Variants in INPP4B observed in about 807,000 individuals in gnomAD.
INPP4B encodes the protein inositol polyphosphate 4-phosphatase type II.
Under a neutral mutation model 122.5 loss-of-function variants are expected in INPP4B, and 55 were observed. That is an observed-to-expected ratio of 0.45 (90% confidence interval 0.36 to 0.56). INPP4B has a LOEUF of 0.56. INPP4B is among the 20% of genes least tolerant of loss of function. The pLI is 0.00. For missense variants in INPP4B, 1,000 were observed against 1,097.7 expected, an observed-to-expected ratio of 0.91 and a Z score of 1.26; for synonymous variants, 403 against 388.7, an observed-to-expected ratio of 1.04 and a Z score of -0.43.
intron 2 of INPP4B, among the ~76,000 whole-genome samples, chr4:142,669,014 C>G (rs1443221276): frequency 6.6e-6 from 1 of 151,898 alleles, no homozygotes; most frequent in African/African-American, 2.4e-5. Context: ...GGAGATTGCG[C>G]CACTGTGCTC....
At chr4:142,549,634 T>C (rs1004619205) in intron 2 of INPP4B, among the ~76,000 whole-genome samples, 2 of 152,188 alleles carry the variant, frequency 1.3e-5, no homozygotes, top group Admixed American at 6.6e-5. Context: ...GGGCAGAGAC[T>C]GTGTGCCTTT....
chr4:142,476,217 A>G (rs1471137987), intron 2 of INPP4B, among the ~76,000 whole-genome samples: 1 of 152,174 alleles, frequency 6.6e-6, no homozygotes, highest in Admixed American at 6.5e-5. Flanking sequence ...CCAACCAATA[A>G]TTTCATATTT....
intron 22 of INPP4B, among the ~76,000 whole-genome samples, 176 bp downstream of exon 22, chr4:142,112,366 A>G (rs1467642687): frequency 1.3e-5 from 2 of 152,210 alleles, no homozygotes; most frequent in Non-Finnish European, 2.9e-5. Flanking sequence ...GGCTTGGGCC[A>G]GGATTCCTTA....
At chr4:142,196,983 G>A (rs1413164863) in intron 14 of INPP4B, among the ~76,000 whole-genome samples, 7 of 151,618 alleles carry the variant, frequency 4.6e-5, no homozygotes, top group Non-Finnish European at 5.9e-5. Context: ...AAAATTAGCC[G>A]GGGGTGGTGG....
chr4:142,567,822 C>G (rs1355153170), intron 2 of INPP4B, among the ~76,000 whole-genome samples: 1 of 152,084 alleles, frequency 6.6e-6, no homozygotes, highest in Non-Finnish European at 1.5e-5. Context: ...TCTTTATTTA[C>G]TTACGCTCCT....
chr4:142,336,308 G>T (rs192077410), intron 7 of INPP4B, among the ~76,000 whole-genome samples: 339 of 152,296 alleles, frequency 2.2e-3, no homozygotes, highest in Non-Finnish European at 3.5e-3. Flanking sequence ...GAGGGGTAGT[G>T]GGGGAGAAAA....
chr4:142,064,261 C>A (rs545849027), intron 25 of INPP4B, among the ~76,000 whole-genome samples: 1 of 152,132 alleles, frequency 6.6e-6, no homozygotes, highest in Non-Finnish European at 1.5e-5. Flanking sequence ...GATACATTAG[C>A]AGCTTTTAAG....
intron 2 of INPP4B, among the ~76,000 whole-genome samples, chr4:142,659,244 A>T (rs1335190203): frequency 8.9e-5 from 1 of 11,280 alleles, no homozygotes; most frequent in East Asian, 9.8e-3. Flanking sequence ...CTAAAAATAC[A>T]AAAAAAAAAA....
intron 1 of INPP4B, among the ~76,000 whole-genome samples, chr4:142,730,943 G>T (rs1482780893): frequency 6.9e-6 from 1 of 144,664 alleles, no homozygotes; most frequent in Non-Finnish European, 1.5e-5. Context: ...CATAGCAGTT[G>T]TTGCCGCACC....
At chr4:142,436,401 G>A (rs1234452566) in intron 3 of INPP4B, among the ~76,000 whole-genome samples, 1 of 152,158 alleles carries the variant, frequency 6.6e-6, no homozygotes, top group Non-Finnish European at 1.5e-5. Flanking sequence ...TCCACCACGG[G>A]ACAGCGAAAG....
At chr4:142,451,849 T>C (rs1052084511) in intron 3 of INPP4B, among the ~76,000 whole-genome samples, 4 of 152,200 alleles carry the variant, frequency 2.6e-5, no homozygotes, top group African/African-American at 9.6e-5. Context: ...AGTTCTGTTA[T>C]TCACTCGTTT....
At chr4:142,125,375 A>G (rs2152762756) in intron 18 of INPP4B, among the ~76,000 whole-genome samples, 1 of 152,118 alleles carries the variant, frequency 6.6e-6, no homozygotes, top group East Asian at 1.9e-4. Context: ...AAAAAACACT[A>G]AAGCATTCAT....
intron 25 of INPP4B, among the ~76,000 whole-genome samples, chr4:142,055,647 A>T (rs200277581): frequency 6.6e-6 from 1 of 151,708 alleles, no homozygotes; most frequent in African/African-American, 2.4e-5. Flanking sequence ...AGTGTTTTAA[A>T]AGCATTTGTT....
At position 142,537,392 on chromosome 4, in the gene INPP4B, T is replaced by C. The variant is rs1828327428; in HGVS notation, c.-190-74666A>G. On this transcript the variant is annotated intron_variant, in intron 2 of 25. Coordinates refer to ENST00000262992, the MANE Select transcript of INPP4B (RefSeq NM_001101669.3). ...ACCAGTTATCAGAGACCAGAGATTT[T>C]ACATACAGTATATATATATATATAT... is the stretch of plus-strand genomic sequence containing the variant. 4.1e-5 allele frequency among the ~76,000 whole-genome samples: 4 copies of C among 98,628 alleles called. No homozygotes were observed. The South Asian group carries it at 1.4e-3, about 34-fold the overall frequency. The allele number at this position is 98,628 out of a possible 152,430, so 64.7% of individuals were successfully genotyped here. A position where few individuals can be genotyped will look rare whatever the true frequency, so the allele number is the denominator to read the frequency against.
intron 18 of INPP4B, among the ~76,000 whole-genome samples, chr4:142,129,708 C>G (rs1441795483): frequency 6.6e-6 from 1 of 152,184 alleles, no homozygotes; most frequent in Non-Finnish European, 1.5e-5. Flanking sequence ...ATGTCCTTCT[C>G]CAACCAAGCC....
intron 25 of INPP4B, among the ~76,000 whole-genome samples, chr4:142,051,864 TGTTTCA>T (rs1754787753): frequency 6.6e-6 from 1 of 152,054 alleles, no homozygotes; most frequent in Admixed American, 6.6e-5. Context: ...CCTAAATAAA[TGTTTCA>T]GTTTCTTTTC....
intron 2 of INPP4B, among the ~76,000 whole-genome samples, chr4:142,711,344 T>C (rs1445720895): frequency 6.6e-6 from 1 of 152,158 alleles, no homozygotes; most frequent in African/African-American, 2.4e-5. Context: ...TAGAATACTT[T>C]ATACTTATTT....
intron 7 of INPP4B, chr4:142,347,515 G>C (rs1333058568): frequency 4.5e-6 from 2 of 440,616 alleles, no homozygotes; most frequent in South Asian, 1.6e-5. Context: ...CTTGCCTCAG[G>C]GGTCAAAAAA....
chr4:142,407,009 G>A (rs1803550716), intron 5 of INPP4B, among the ~76,000 whole-genome samples: 1 of 152,030 alleles, frequency 6.6e-6, no homozygotes, highest in African/African-American at 2.4e-5. Context: ...GCCACACCAC[G>A]ATTATTACTC....
Sources: allele counts gnomAD v4.1 joint callset (sites outside exome capture counted in the v4.1 genomes callset), GRCh38; gene constraint gnomAD v4.1.1; transcripts MANE v1.5; gene names NCBI Gene and HGNC (gene_info 2026-07-23, HGNC 2026-07-21).